Variants in PAX7 observed in about 807,000 individuals in gnomAD.
PAX7 encodes the protein paired box protein Pax-7.
A neutral mutation model predicts 50.7 loss-of-function variants in PAX7; 18 were observed. The observed-to-expected ratio is 0.36, with a 90% CI of 0.25 to 0.53. The LOEUF is 0.53. Among genes scored for constraint, PAX7 ranks in the 20% least tolerant of loss-of-function variants. The pLI is 0.93. For missense variants in PAX7, 644 were observed against 702.9 expected (o/e 0.92, Z 0.95); for synonymous variants, 310 against 290.4 (o/e 1.07, Z -0.69).
intron 7 of PAX7, among the ~76,000 whole-genome samples, chr1:18,729,223 T>C (rs1216286834): frequency 6.6e-6 from 1 of 152,200 alleles, no homozygotes; most frequent in Non-Finnish European, 1.5e-5. Context: ...TTCTCACCTC[T>C]TGGGGAAGTC....
intron 4 of PAX7, among the ~76,000 whole-genome samples, chr1:18,646,472 C>T (rs1287537888): frequency 6.6e-6 from 1 of 152,128 alleles, no homozygotes; most frequent in Admixed American, 6.5e-5. Flanking sequence ...GGATAAGAGC[C>T]GCTCCTGGCC....
intron 4 of PAX7, among the ~76,000 whole-genome samples, chr1:18,658,187 T>G (rs1188944509): frequency 6.6e-6 from 1 of 152,160 alleles, no homozygotes; most frequent in African/African-American, 2.4e-5. Flanking sequence ...TTTTTCTTTT[T>G]TCTTAAATAC....
intron 8 of PAX7, among the ~76,000 whole-genome samples, chr1:18,739,355 GAC>G (rs967659323): frequency 2.6e-5 from 4 of 152,332 alleles, no homozygotes; most frequent in Admixed American, 2.0e-4. Context: ...CATATGGATA[GAC>G]ACACACGCAG....
intron 4 of PAX7, among the ~76,000 whole-genome samples, chr1:18,648,970 A>G (rs1391998434): frequency 6.6e-6 from 1 of 152,132 alleles, no homozygotes; most frequent in Non-Finnish European, 1.5e-5. Context: ...AAAGCAGCCC[A>G]TTCCCAGACT....
chr1:18,657,039 C>T (rs2841090), intron 4 of PAX7, among the ~76,000 whole-genome samples: 1,546 of 152,142 alleles, frequency 0.01, 24 homozygotes, highest in African/African-American at 0.034. Context: ...AGTGAGTTAA[C>T]ACATATGGAA....
intron 4 of PAX7, among the ~76,000 whole-genome samples, chr1:18,650,394 T>C (rs2088412868): frequency 6.6e-6 from 1 of 152,232 alleles, no homozygotes; most frequent in Non-Finnish European, 1.5e-5. Context: ...TTACACACTC[T>C]GTGCTTCATT....
intron 7 of PAX7, among the ~76,000 whole-genome samples, chr1:18,705,709 C>T (rs2100333080): frequency 6.6e-6 from 1 of 152,324 alleles, no homozygotes; most frequent in Middle Eastern, 3.4e-3. Flanking sequence ...AGTATCTCCC[C>T]CATGGCAAGG....
In PAX7 at chr1:18,684,763, C is replaced by T. The variant is rs2282709; in HGVS notation, c.587-6991C>T. 7.1e-4 allele frequency among the ~76,000 whole-genome samples: 108 copies of T among 152,292 alleles called. 1 individual carries two copies. In the East Asian group the frequency reaches 0.012, roughly 17 times the overall value. ...TCGTTTCTCTGCCGCAGCTCAACAC[C>T]GGGGCCTATGTTAAACTGTAAGAAA... On this transcript the variant is annotated intron_variant, in intron 4 of 8. Coordinates refer to ENST00000420770, the MANE Select transcript of PAX7 (RefSeq NM_001135254.2).
intron 7 of PAX7, among the ~76,000 whole-genome samples, chr1:18,708,533 C>T (rs186790525): frequency 2.6e-5 from 4 of 151,922 alleles, no homozygotes; most frequent in Non-Finnish European, 4.4e-5. Context: ...CCAGCCTAGG[C>T]GACAGAGAGA....
chr1:18,685,887 G>A (rs2100280776), intron 4 of PAX7, among the ~76,000 whole-genome samples: 1 of 150,900 alleles, frequency 6.6e-6, no homozygotes, highest in African/African-American at 2.5e-5. Flanking sequence ...GCTGCCCCCA[G>A]CAACCTTCCA....
chr1:18,730,144 G>A (rs2089629099), intron 7 of PAX7, among the ~76,000 whole-genome samples: 1 of 152,154 alleles, frequency 6.6e-6, no homozygotes, highest in Non-Finnish European at 1.5e-5. Flanking sequence ...CACATCCAGT[G>A]TACATTTACT....
intron 7 of PAX7, among the ~76,000 whole-genome samples, chr1:18,708,027 C>G (rs763766760): frequency 1.3e-5 from 2 of 152,108 alleles, no homozygotes; most frequent in African/African-American, 2.4e-5. Flanking sequence ...TCTCCCCTAC[C>G]CACCCAAGCC....
At chr1:18,721,784 G>T (rs563706209) in intron 7 of PAX7, among the ~76,000 whole-genome samples, 5 of 152,230 alleles carry the variant, frequency 3.3e-5, no homozygotes, top group African/African-American at 9.6e-5. Flanking sequence ...AAACACACAG[G>T]CTTCAGCAAC....
Position 18,695,127 on chromosome 1 carries a change from C to A in PAX7, c.786+3174C>A, listed in dbSNP as rs145848207. Among the ~76,000 whole-genome samples the A allele has an allele frequency of 2.6e-3, 401 of 151,946 alleles. 6 individuals are homozygous for A. In the South Asian group the frequency reaches 0.036, roughly 14 times the overall value. On this transcript the variant is annotated intron_variant, in intron 5 of 8. Transcript: ENST00000420770. ...GTGGATTCCAGCTCCATGTCTTACC[C>A]TTTCCACCCTCCACCCATCTCTCAC... is the stretch of plus-strand genomic sequence containing the variant.
chr1:18,686,896 A>ATT (rs68110932), intron 4 of PAX7, among the ~76,000 whole-genome samples: 52,057 of 127,706 alleles, frequency 0.41, 9,819 homozygotes, highest in Middle Eastern at 0.5. Flanking sequence ...TATTATTATT[A>ATT]TTATTATTTT....
chr1:18,661,956 C>T lies in PAX7; in HGVS notation c.586+25585C>T, dbSNP rs528925987. Among the ~76,000 whole-genome samples, 6 of 152,284 alleles carry T rather than the reference C, an allele frequency of 3.9e-5. No homozygotes were observed. In the East Asian group the frequency reaches 9.6e-4, roughly 24 times the overall value. On this transcript the variant is annotated intron_variant, in intron 4 of 8. Transcript: ENST00000420770. ...CTCCAGCCTGTTCTGAAATCAAAGACGATTTCCAGGGAGCAGGTGGGAGTC... is the reference window on the plus strand; with the variant it reads ...CTCCAGCCTGTTCTGAAATCAAAGATGATTTCCAGGGAGCAGGTGGGAGTC...
chr1:18,692,065 T>G (rs553592074), intron 5 of PAX7, 112 bp downstream of exon 5: 2 of 933,636 alleles, frequency 2.1e-6, no homozygotes, highest in Admixed American at 5.0e-5. Context: ...TTACAACAGG[T>G]TCAGGGGGTT....
At chr1:18,725,290 A>T (rs2236813) in intron 7 of PAX7, among the ~76,000 whole-genome samples, 7 of 128,282 alleles carry the variant, frequency 5.5e-5, no homozygotes, top group Admixed American at 4.0e-4. Context: ...CACCAATTAC[A>T]GAGGTGGAGA....
At chr1:18,672,448 C>A (rs1007093706) in intron 4 of PAX7, among the ~76,000 whole-genome samples, 6 of 152,104 alleles carry the variant, frequency 3.9e-5, no homozygotes, top group South Asian at 2.1e-4. Context: ...ATGCACCCAC[C>A]CAGCAGAACC....
Sources: gnomAD v4.1 joint callset for allele counts (sites outside exome capture counted in the v4.1 genomes callset) on GRCh38, gnomAD v4.1.1 for gene constraint, MANE v1.5 for transcripts, NCBI Gene and HGNC (gene_info 2026-07-23, HGNC 2026-07-21) for gene names.